Variants in GUCY1A2 observed in about 807,000 individuals in gnomAD.
GUCY1A2 encodes the protein guanylate cyclase soluble subunit alpha-2.
Under a neutral mutation model 63.5 loss-of-function variants are expected in GUCY1A2, and 27 were observed. That is an observed-to-expected ratio of 0.43 (90% confidence interval 0.31 to 0.59). The LOEUF (loss-of-function observed/expected upper bound fraction) is 0.59. Among genes scored for constraint, GUCY1A2 ranks in the 20% least tolerant of loss-of-function variants. The pLI, the probability that GUCY1A2 is intolerant of heterozygous loss-of-function variation, is 0.11. For missense variants in GUCY1A2, 768 were observed against 913.3 expected, an observed-to-expected ratio of 0.84 and a Z score of 2.05; for synonymous variants, 364 against 343.5, an observed-to-expected ratio of 1.06 and a Z score of -0.66.
At chr11:106,950,385 G>A (rs942061385) in intron 3 of GUCY1A2, among the ~76,000 whole-genome samples, 2 of 152,228 alleles carry the variant, frequency 1.3e-5, no homozygotes, top group Non-Finnish European at 2.9e-5. Flanking sequence ...CAAAGAATGA[G>A]CAGACATGAG....
rs144745232 is a variant in GUCY1A2 at position 106,904,834 on chromosome 11, T to C, written c.1206+34626A>G. ...GACTCCTTGAGGAAAAAAAGTATGA[T>C]GCCAATTGGTAAAAAATAATTAAGT... On this transcript the variant is annotated intron_variant, in intron 4 of 7. Transcript: ENST00000526355. Among the ~76,000 whole-genome samples the C allele has an allele frequency of 2.8e-3, 420 of 152,086 alleles. 3 individuals carry two copies. The highest frequency in any genetic ancestry group is 9.4e-3 in the African/African-American group (391 of 41,512).
At chr11:106,790,074 G>T (rs931372761) in intron 5 of GUCY1A2, among the ~76,000 whole-genome samples, 1 of 152,184 alleles carries the variant, frequency 6.6e-6, no homozygotes, top group East Asian at 1.9e-4. Context: ...AGCCAGGCTT[G>T]TATCCTTTGC....
chr11:107,011,734 T>C (rs1482196980), intron 1 of GUCY1A2, among the ~76,000 whole-genome samples: 2 of 148,794 alleles, frequency 1.3e-5, no homozygotes, highest in Non-Finnish European at 3.0e-5. Flanking sequence ...AAGTGAAAGT[T>C]CTACTCTTCA....
chr11:106,806,991 T>A (rs924623705), intron 5 of GUCY1A2, among the ~76,000 whole-genome samples: 1 of 152,268 alleles, frequency 6.6e-6, no homozygotes, highest in Admixed American at 6.5e-5. Flanking sequence ...GAGACTAGTA[T>A]CTCATGTCGT....
At chr11:106,979,177 C>T (rs1054392589) in intron 2 of GUCY1A2, among the ~76,000 whole-genome samples, 5 of 152,076 alleles carry the variant, frequency 3.3e-5, no homozygotes, top group African/African-American at 9.7e-5. Context: ...CAGTATAGGC[C>T]GGGTGCGGTG....
rs572416736 is a variant in GUCY1A2, at chr11:106,870,514, CA to C, written c.1207-60037del. 1.5e-3 allele frequency among the ~76,000 whole-genome samples: 231 copies of C among 152,090 alleles called. 1 individual carries two copies. The highest frequency in any genetic ancestry group is 5.3e-3 in the African/African-American group (220 of 41,512). Reference sequence around the variant, plus strand: ...AATTTAAGTAAATACAGGGGATCAACAAGAAGTTATTTTGTATGTTTTTGTT... The same window carrying C: ...AATTTAAGTAAATACAGGGGATCAACAGAAGTTATTTTGTATGTTTTTGTT... On this transcript the variant is annotated intron_variant, in intron 4 of 7. Transcript: ENST00000526355.
chr11:106,962,766 TTATA>T (rs1006657565), intron 3 of GUCY1A2, among the ~76,000 whole-genome samples: 2 of 148,160 alleles, frequency 1.3e-5, no homozygotes, highest in Admixed American at 6.8e-5. Context: ...TTTTAAGGAA[TTATA>T]TATATTTATA....
chr11:106,798,192 C>T (rs1864801947), intron 5 of GUCY1A2, among the ~76,000 whole-genome samples: 1 of 152,156 alleles, frequency 6.6e-6, no homozygotes, highest in Non-Finnish European at 1.5e-5. Flanking sequence ...TGGACACATA[C>T]ACCCTCCCAA....
chr11:106,962,993 A>G (rs1430275831), intron 3 of GUCY1A2, among the ~76,000 whole-genome samples: 1 of 152,136 alleles, frequency 6.6e-6, no homozygotes, highest in African/African-American at 2.4e-5. Context: ...TTACACGCCT[A>G]TTAGTTCAGT....
Position 106,917,735 on chromosome 11 carries a change from T to C in GUCY1A2, c.1206+21725A>G, listed in dbSNP as rs562527158. ...GCATGTTCTCACTCATAGGTGGGAA[T>C]TGAACAATGAGAACACATGGACACA... On this transcript the variant is annotated intron_variant, in intron 4 of 7. Transcript: ENST00000526355. Among the ~76,000 whole-genome samples, 139 of 119,444 alleles carry C rather than the reference T, an allele frequency of 1.2e-3. 3 individuals carry two copies. Among genetic ancestry groups the C allele is most frequent in the African/African-American group, 3.8e-3 (128 of 33,580 alleles). 78.4% of individuals were successfully genotyped at this position (119,444 alleles called of 152,430 possible).
At chr11:106,873,499 T>C (rs186295337) in intron 4 of GUCY1A2, among the ~76,000 whole-genome samples, 12 of 152,348 alleles carry the variant, frequency 7.9e-5, no homozygotes, top group Admixed American at 3.9e-4. Flanking sequence ...GTGGTTTTGA[T>C]TTGCATTTCT....
chr11:106,780,955 T>C (rs1199583676), intron 5 of GUCY1A2, among the ~76,000 whole-genome samples: 1 of 152,036 alleles, frequency 6.6e-6, no homozygotes, highest in Non-Finnish European at 1.5e-5. Context: ...AAATTAAATA[T>C]ATGTGGAAGT....
Position 106,709,709 on chromosome 11 carries a change from G to GTTATATA in GUCY1A2, c.1837-1050_1837-1044dup, listed in dbSNP as rs1422658585. ...ATTATATACACGTATAGAATATATA[G>GTTATATA]TTATATACACGTATAGAATATATAG... On this transcript the variant is annotated intron_variant, in intron 6 of 7. Transcript: ENST00000526355. Among the ~76,000 whole-genome samples, 23 of 50,076 alleles carry GTTATATA rather than the reference G, an allele frequency of 4.6e-4. 1 individual carries two copies. The highest frequency in any genetic ancestry group is 3.5e-3 in the African/African-American group (23 of 6,634). The allele number at this position is 50,076 out of a possible 152,430, so 32.9% of individuals were successfully genotyped here. A position where few individuals can be genotyped will look rare whatever the true frequency, so the allele number is the denominator to read the frequency against.
chr11:106,724,290 T>C (rs1426588807), intron 6 of GUCY1A2, among the ~76,000 whole-genome samples: 1 of 152,236 alleles, frequency 6.6e-6, no homozygotes, highest in Non-Finnish European at 1.5e-5. Context: ...CAGACTCAAT[T>C]TGTCAGACCC....
At chr11:106,992,772 C>G (rs1342182735) in intron 1 of GUCY1A2, among the ~76,000 whole-genome samples, 2 of 152,100 alleles carry the variant, frequency 1.3e-5, no homozygotes, top group Non-Finnish European at 2.9e-5. Context: ...GCCATATCAA[C>G]AAGAAAACCT....
At chr11:106,746,570 G>C (rs372247326) in intron 6 of GUCY1A2, 5 of 1,591,504 alleles carry the variant, frequency 3.1e-6, no homozygotes, top group Non-Finnish European at 3.4e-6. Flanking sequence ...ACCCAAATCC[G>C]TTTCACTTTG....
intron 3 of GUCY1A2, among the ~76,000 whole-genome samples, chr11:106,968,996 G>A (rs1363285239): frequency 1.3e-5 from 2 of 152,072 alleles, no homozygotes. Context: ...TGATACATAA[G>A]AGTCCATAGC....
intron 6 of GUCY1A2, among the ~76,000 whole-genome samples, chr11:106,760,570 T>C (rs2135391417): frequency 6.6e-6 from 1 of 152,320 alleles, no homozygotes; most frequent in South Asian, 2.1e-4. Flanking sequence ...TTATTCTAAT[T>C]TTTTGACATA....
At chr11:106,909,519 C>T (rs959597793) in intron 4 of GUCY1A2, among the ~76,000 whole-genome samples, 7 of 151,762 alleles carry the variant, frequency 4.6e-5, no homozygotes, top group African/African-American at 1.7e-4. Context: ...CACCTCCCTG[C>T]TTGCTCCTCC....
Sources: allele counts gnomAD v4.1 joint callset (sites outside exome capture counted in the v4.1 genomes callset), GRCh38; gene constraint gnomAD v4.1.1; transcripts MANE v1.5; gene names NCBI Gene and HGNC (gene_info 2026-07-23, HGNC 2026-07-21).